The following RALGPS1 variants were observed in gnomAD, a reference collection of about 807,000 sequenced individuals.
RALGPS1 encodes the protein Ral GEF with PH domain and SH3 binding motif 1, also known as ras-specific guanine nucleotide-releasing factor RalGPS1.
Under a neutral mutation model 78.8 loss-of-function variants are expected in RALGPS1, and 19 were observed. That is an observed-to-expected ratio of 0.24 (90% confidence interval 0.17 to 0.35). The LOEUF (loss-of-function observed/expected upper bound fraction) is 0.35. Among genes scored for constraint, RALGPS1 ranks in the 10% least tolerant of loss-of-function variants. The pLI, the probability that RALGPS1 is intolerant of heterozygous loss-of-function variation, is 1.00. For synonymous variants in RALGPS1, 228 were observed against 256.3 expected (o/e 0.89, Z 1.06); for missense variants, 454 against 688.3 (o/e 0.66, Z 3.81).
intron 2 of RALGPS1, among the ~76,000 whole-genome samples, chr9:126,964,783 A>G (rs1224752176): frequency 6.6e-6 from 1 of 152,308 alleles, no homozygotes; most frequent in Middle Eastern, 3.4e-3. Flanking sequence ...GTTGTTGACT[A>G]TTGGTTTCCC....
intron 8 of RALGPS1, among the ~76,000 whole-genome samples, chr9:127,152,774 G>T (rs757541480): frequency 1.3e-5 from 2 of 152,180 alleles, no homozygotes; most frequent in Non-Finnish European, 2.9e-5. Flanking sequence ...GTCTCTTCTG[G>T]AAGGTTTCCA....
chr9:127,100,032 G>T (rs1164542228), intron 8 of RALGPS1, among the ~76,000 whole-genome samples: 1 of 152,202 alleles, frequency 6.6e-6, no homozygotes, highest in Non-Finnish European at 1.5e-5. Flanking sequence ...ACTACAAAGT[G>T]TGACATCTTG....
chr9:127,089,146 A>G, intron 8 of RALGPS1: 21 of 1,614,024 alleles, frequency 1.3e-5, no homozygotes, highest in Non-Finnish European at 1.7e-5. Flanking sequence ...TTCCTGCAAG[A>G]GAGAAGGCAG....
intron 4 of RALGPS1, among the ~76,000 whole-genome samples, chr9:126,996,553 C>G (rs2042783612): frequency 1.3e-5 from 2 of 151,900 alleles, no homozygotes; most frequent in Admixed American, 6.6e-5. Context: ...GCTTACCAAC[C>G]AAAAAAAGTC....
At chr9:127,195,641 A>G (rs1225274720) in intron 12 of RALGPS1, among the ~76,000 whole-genome samples, 2 of 152,222 alleles carry the variant, frequency 1.3e-5, no homozygotes, top group African/African-American at 2.4e-5. Context: ...CTGCTGGCTC[A>G]TCAGTCCTGT....
At chr9:127,076,093 G>A (rs2050655642) in intron 8 of RALGPS1, among the ~76,000 whole-genome samples, 2 of 152,248 alleles carry the variant, frequency 1.3e-5, no homozygotes. Flanking sequence ...ACTTCAAAGT[G>A]TGAAAACAGT....
intron 4 of RALGPS1, among the ~76,000 whole-genome samples, chr9:126,978,846 G>A (rs1013862017): frequency 1.3e-5 from 2 of 152,086 alleles, no homozygotes; most frequent in Admixed American, 1.3e-4. Flanking sequence ...GTCCCAGACT[G>A]GGACCAGCAG....
intron 12 of RALGPS1, 54 bp from the exon 13 acceptor site, chr9:127,196,420 C>T: frequency 1.9e-6 from 3 of 1,563,872 alleles, no homozygotes; most frequent in African/African-American, 1.4e-5. Flanking sequence ...GGTGTAACCA[C>T]TGTCACTCCA....
intron 4 of RALGPS1, among the ~76,000 whole-genome samples, chr9:127,004,199 G>A (rs1006395773): frequency 7.9e-5 from 12 of 151,794 alleles, no homozygotes; most frequent in Admixed American, 1.3e-4. Flanking sequence ...AGGCTAAAGC[G>A]CAATGGCGTG....
At chr9:127,003,777 A>G (rs924346772) in intron 4 of RALGPS1, among the ~76,000 whole-genome samples, 2 of 151,902 alleles carry the variant, frequency 1.3e-5, no homozygotes, top group Non-Finnish European at 2.9e-5. Flanking sequence ...TACATAGGTA[A>G]TGTGTGCCAT....
At chr9:127,184,537 AG>A (rs1363039104) in intron 11 of RALGPS1, among the ~76,000 whole-genome samples, 1 of 152,204 alleles carries the variant, frequency 6.6e-6, no homozygotes, top group Non-Finnish European at 1.5e-5. Context: ...GGAGAGCCAC[AG>A]GGTCTGGCAG....
intron 4 of RALGPS1, among the ~76,000 whole-genome samples, chr9:127,001,086 TACAAAACAAAACAAAACAAAACAAA>T (rs60748253): frequency 2.3e-4 from 32 of 137,716 alleles, no homozygotes; most frequent in African/African-American, 6.3e-4. Flanking sequence ...ACTCTGTCTC[TACAAAACAAAACAAAACAAAACAAA>T]ACAAAACAAA....
intron 4 of RALGPS1, among the ~76,000 whole-genome samples, chr9:127,009,019 G>C (rs192102149): frequency 1.3e-5 from 2 of 152,136 alleles, no homozygotes; most frequent in African/African-American, 4.8e-5. Flanking sequence ...CAAAATCCAC[G>C]CAAGATCCTA....
intron 4 of RALGPS1, among the ~76,000 whole-genome samples, chr9:126,986,730 C>G (rs1365412337): frequency 1.3e-5 from 2 of 152,206 alleles, no homozygotes; most frequent in Non-Finnish European, 2.9e-5. Context: ...GTGCTTTATT[C>G]AGCCCAGGGT....
intron 8 of RALGPS1, among the ~76,000 whole-genome samples, chr9:127,107,705 CT>C (rs569376026): frequency 6.6e-5 from 10 of 152,150 alleles, no homozygotes; most frequent in Non-Finnish European, 1.3e-4. Flanking sequence ...TTGGTAATAT[CT>C]TTGAGGATCC....
At chr9:127,165,284 G>T (rs1173547377) in intron 8 of RALGPS1, among the ~76,000 whole-genome samples, 2 of 152,208 alleles carry the variant, frequency 1.3e-5, no homozygotes, top group Admixed American at 6.5e-5. Context: ...TCTGAAGCTC[G>T]GCCCTGCAGC....
At chr9:127,033,641 C>A (rs1271248715) in intron 4 of RALGPS1, among the ~76,000 whole-genome samples, 1 of 152,308 alleles carries the variant, frequency 6.6e-6, no homozygotes, top group East Asian at 1.9e-4. Flanking sequence ...TGTTTCAGGG[C>A]TCCACAAGGC....
intron 8 of RALGPS1, among the ~76,000 whole-genome samples, chr9:127,157,852 A>G (rs189328068): frequency 2.0e-5 from 3 of 152,272 alleles, no homozygotes; most frequent in African/African-American, 4.8e-5. Context: ...CATTCAGCAT[A>G]GTGTTAAATG....
chr9:126,980,716 G>A (rs1046065078), intron 4 of RALGPS1, among the ~76,000 whole-genome samples: 37 of 152,176 alleles, frequency 2.4e-4, no homozygotes, highest in African/African-American at 8.7e-4. Context: ...GAGGTAAGAA[G>A]AAGAATATTA....
Sources: allele counts gnomAD v4.1 joint callset (sites outside exome capture counted in the v4.1 genomes callset), GRCh38; gene constraint gnomAD v4.1.1; transcripts MANE v1.5; gene names NCBI Gene and HGNC (gene_info 2026-07-23, HGNC 2026-07-21).